QKI: variants seen among roughly 807,000 people sequenced by gnomAD.
QKI encodes QKI, KH domain containing RNA binding.
In QKI, 10 loss-of-function variants were observed where a neutral mutation model predicts 39.0. The ratio of observed to expected loss-of-function variants is 0.26; its 90% CI spans 0.16 to 0.43. The LOEUF (loss-of-function observed/expected upper bound fraction) is 0.43, where lower values mean the gene tolerates loss of function less well. QKI is among the 20% of genes least tolerant of loss of function. The pLI is 1.00. For missense variants in QKI, 218 were observed against 428.0 expected (o/e 0.51, Z 4.33); for synonymous variants, 204 against 155.4 (o/e 1.31, Z -2.33).
At chr6:163,483,603 G>A (rs1445411483) in intron 3 of QKI, among the ~76,000 whole-genome samples, 1 of 152,150 alleles carries the variant, frequency 6.6e-6, no homozygotes, top group Admixed American at 6.5e-5. Flanking sequence ...GATCAAGTTT[G>A]ATCATGCAGT....
At chr6:163,417,802 A>G (rs1387797062) in intron 1 of QKI, among the ~76,000 whole-genome samples, 1 of 152,188 alleles carries the variant, frequency 6.6e-6, no homozygotes, top group Admixed American at 6.5e-5. Context: ...GGCATATAGT[A>G]TGTTTAAAAT....
chr6:163,552,338 A>T (rs1782284366), intron 4 of QKI, among the ~76,000 whole-genome samples: 1 of 150,132 alleles, frequency 6.7e-6, no homozygotes, highest in African/African-American at 2.5e-5. Flanking sequence ...CCTCCCAAGT[A>T]GCTGGGACTA....
intron 1 of QKI, among the ~76,000 whole-genome samples, chr6:163,437,369 G>A (rs536268629): frequency 1.3e-5 from 2 of 152,244 alleles, no homozygotes; most frequent in African/African-American, 2.4e-5. Flanking sequence ...TTAGTGTATC[G>A]ATTATCAAAG....
chr6:163,540,067 A>T (rs1781420170), intron 4 of QKI, among the ~76,000 whole-genome samples: 2 of 151,996 alleles, frequency 1.3e-5, no homozygotes, highest in South Asian at 4.1e-4. Flanking sequence ...TTTAAATGGG[A>T]AATATTCCAT....
chr6:163,446,162 CT>C (rs1383623044), intron 1 of QKI, among the ~76,000 whole-genome samples: 1 of 152,160 alleles, frequency 6.6e-6, no homozygotes, highest in Non-Finnish European at 1.5e-5. Context: ...GAGCTGTCCC[CT>C]TTCCCCCTTG....
intron 1 of QKI, among the ~76,000 whole-genome samples, chr6:163,442,272 A>G (rs1242557782): frequency 6.6e-6 from 1 of 152,216 alleles, no homozygotes; most frequent in African/African-American, 2.4e-5. Context: ...TTAATATATA[A>G]TAAGTTTACT....
chr6:163,481,967 C>T lies in QKI; in HGVS notation c.402+3071C>T, dbSNP rs963739423. On this transcript the variant is annotated intron_variant, in intron 3 of 7. Transcript: ENST00000361752. The stretch of plus-strand genomic sequence containing the variant: ...TTTGGGAGGCTGAGGCAGGAGGATC[C>T]CAGGAGTTGAAGACCAACAAGGTCA... Among the ~76,000 whole-genome samples, 4 of 151,950 alleles carry T rather than the reference C, an allele frequency of 2.6e-5. No homozygotes were observed. In the South Asian group the frequency reaches 8.3e-4, roughly 32 times the overall value.
In QKI at chr6:163,568,728, A is replaced by G. The variant is rs575730585; in HGVS notation, c.1009+1933A>G. 25 of 985,462 alleles carry G rather than the reference A, an allele frequency of 2.5e-5. No individual in the cohort carries two copies. The East Asian group carries it at 6.8e-4, about 27-fold the overall frequency. 61.0% of individuals were successfully genotyped at this position (985,462 alleles called of 1,614,324 possible). ...CTTGGACATATAACCATGTAATTCT[A>G]TATGAACGTTTAGAGTACTACATGG... On this transcript the variant is annotated intron_variant, in intron 7 of 7. Transcript: ENST00000361752.
intron 3 of QKI, among the ~76,000 whole-genome samples, chr6:163,510,901 T>C (rs1217098383): frequency 6.6e-6 from 1 of 152,178 alleles, no homozygotes; most frequent in South Asian, 2.1e-4. Context: ...TCAGAAGATT[T>C]GAAATTTATT....
chr6:163,568,787 C>T, intron 7 of QKI: 1 of 984,832 alleles, frequency 1.0e-6, no homozygotes, highest in Non-Finnish European at 1.2e-6. Flanking sequence ...TAAAAGTAAA[C>T]TCACCTCTTT....
intron 3 of QKI, among the ~76,000 whole-genome samples, chr6:163,517,395 C>T (rs1239733737): frequency 6.6e-6 from 1 of 152,078 alleles, no homozygotes; most frequent in Non-Finnish European, 1.5e-5. Context: ...ACAGCAGTAT[C>T]TAGAGTGGTT....
At chr6:163,430,441 TA>T (rs1309898452) in intron 1 of QKI, among the ~76,000 whole-genome samples, 1 of 151,404 alleles carries the variant, frequency 6.6e-6, no homozygotes, top group Non-Finnish European at 1.5e-5. Flanking sequence ...TTTGGCTTTT[TA>T]TTTTTTTTGT....
chr6:163,456,285 T>C (rs978131675), intron 2 of QKI, among the ~76,000 whole-genome samples: 3 of 152,162 alleles, frequency 2.0e-5, no homozygotes, highest in Non-Finnish European at 4.4e-5. Flanking sequence ...TAATCGGGCA[T>C]TTTTCTGGTT....
intron 3 of QKI, among the ~76,000 whole-genome samples, chr6:163,505,389 T>C (rs1779030469): frequency 6.6e-6 from 1 of 152,212 alleles, no homozygotes; most frequent in Non-Finnish European, 1.5e-5. Flanking sequence ...GCTTGCACTA[T>C]GTGCCTAGAA....
intron 7 of QKI, chr6:163,569,638 G>C: frequency 1.0e-6 from 1 of 1,001,916 alleles, no homozygotes; most frequent in Non-Finnish European, 1.2e-6. Context: ...ACTACTTTAT[G>C]TTTTACTGTA....
intron 3 of QKI, among the ~76,000 whole-genome samples, chr6:163,495,815 T>A (rs531960358): frequency 6.6e-5 from 10 of 152,306 alleles, no homozygotes; most frequent in African/African-American, 2.2e-4. Context: ...AAAAGTGATG[T>A]TGTGTCCTTC....
chr6:163,415,866 G>A, intron 1 of QKI: 1 of 504,878 alleles, frequency 2.0e-6, no homozygotes, highest in Admixed American at 2.0e-5. Flanking sequence ...TGGTTGGGGA[G>A]TTGGTGCAGC....
At chr6:163,458,120 C>T (rs557823689) in intron 2 of QKI, among the ~76,000 whole-genome samples, 4 of 151,938 alleles carry the variant, frequency 2.6e-5, no homozygotes, top group South Asian at 2.1e-4. Context: ...AGTGTCATGC[C>T]GTGGTCAAAA....
intron 3 of QKI, among the ~76,000 whole-genome samples, chr6:163,497,484 T>C (rs549619321): frequency 1.3e-5 from 2 of 152,216 alleles, no homozygotes; most frequent in African/African-American, 4.8e-5. Context: ...TTTTAACTTA[T>C]TAAAGAATTT....
Sources: allele counts gnomAD v4.1 joint callset (sites outside exome capture counted in the v4.1 genomes callset), GRCh38; gene constraint gnomAD v4.1.1; transcripts MANE v1.5; gene names NCBI Gene and HGNC (gene_info 2026-07-23, HGNC 2026-07-21).